USP47: variants seen among roughly 807,000 people sequenced by gnomAD.
USP47 encodes ubiquitin specific peptidase 47.
Under a neutral mutation model 165.1 loss-of-function variants are expected in USP47, and 35 were observed. That is an observed-to-expected ratio of 0.21 (90% CI 0.16 to 0.28). The LOEUF is 0.28. USP47 is among the 10% of genes least tolerant of loss of function. USP47 has a pLI of 1.00. For missense variants in USP47, 1,277 were observed against 1,607.4 expected (o/e 0.79, Z 3.52); for synonymous variants, 531 against 544.5 (o/e 0.98, Z 0.35).
chr11:11,879,187 G>A (rs889244851), intron 1 of USP47, among the ~76,000 whole-genome samples: 1 of 152,112 alleles, frequency 6.6e-6, no homozygotes, highest in Admixed American at 6.6e-5. Flanking sequence ...TTTTGTTGTA[G>A]GATATTCTTA....
At position 11,942,474 on chromosome 11, in the gene USP47, A is replaced by G. The variant is rs778079362; in HGVS notation, c.2453A>G (p.Lys818Arg). 4.3e-6 allele frequency: 7 copies of G among 1,613,604 alleles called. No individual in the cohort carries two copies. Among genetic ancestry groups the G allele is most frequent in the Non-Finnish European group, 5.9e-6 (7 of 1,179,718 alleles). The change falls in exon 20 of 28, where the codon AAA becomes AGA. Residue 818 changes from lysine (K) to arginine (R), a missense_variant. Lys to Arg is a conservative substitution (Grantham distance 26). Coordinates refer to ENST00000527733, the MANE Select transcript of USP47 (RefSeq NM_001282659.2). ...GAACAATCCCCAGTATCTTATTCCA[A>G]AAGGACAGCATACCAGAAAGCTGGA... ...LPEQSPVSYS[K>R]RTAYQKAGGD... is the part of the protein sequence containing the mutation.
intron 14 of USP47, among the ~76,000 whole-genome samples, chr11:11,931,273 TTTTTATTCACA>T (rs1433147376): frequency 6.6e-6 from 1 of 152,158 alleles, no homozygotes; most frequent in East Asian, 1.9e-4. Context: ...AAGCATTATG[TTTTTATTCACA>T]TTTTTGTAAA....
chr11:11,920,932 C>T (rs1853791179), intron 10 of USP47, among the ~76,000 whole-genome samples: 1 of 149,544 alleles, frequency 6.7e-6, no homozygotes, highest in Admixed American at 6.7e-5. Context: ...ATTTCTTGTA[C>T]TTACCTACTA....
chr11:11,923,054 A>G (rs1336869570), intron 11 of USP47, among the ~76,000 whole-genome samples, 163 bp downstream of exon 11: 1 of 31,150 alleles, frequency 3.2e-5, no homozygotes, highest in Admixed American at 5.8e-4. Flanking sequence ...ATATATATAT[A>G]TATATATATA....
intron 1 of USP47, among the ~76,000 whole-genome samples, chr11:11,847,490 G>A (rs1354249724): frequency 6.6e-6 from 1 of 151,968 alleles, no homozygotes; most frequent in Non-Finnish European, 1.5e-5. Context: ...ATTAAATATA[G>A]GTAATATCGA....
intron 1 of USP47, among the ~76,000 whole-genome samples, chr11:11,847,584 T>G (rs961886544): frequency 2.6e-5 from 4 of 152,196 alleles, no homozygotes; most frequent in African/African-American, 9.6e-5. Context: ...TTTATATGCT[T>G]AAGTTAGAAC....
chr11:11,918,125 A>G (rs1853564442), intron 8 of USP47, among the ~76,000 whole-genome samples: 1 of 152,180 alleles, frequency 6.6e-6, no homozygotes, highest in Non-Finnish European at 1.5e-5. Flanking sequence ...TAGGTACATC[A>G]TGGCCTGTGA....
At chr11:11,893,068 C>T (rs1042312678) in intron 4 of USP47, among the ~76,000 whole-genome samples, 1 of 151,758 alleles carries the variant, frequency 6.6e-6, no homozygotes, top group Non-Finnish European at 1.5e-5. Flanking sequence ...TTCTTTTTTT[C>T]TCAATACGAT....
chr11:11,914,075 TAA>T (rs757756714), intron 8 of USP47, among the ~76,000 whole-genome samples: 21 of 152,150 alleles, frequency 1.4e-4, no homozygotes, highest in Non-Finnish European at 2.9e-4. Flanking sequence ...CTAGAATAGC[TAA>T]GAGTTTTCAA....
At chr11:11,936,886 A>C (rs1855111869) in intron 17 of USP47, among the ~76,000 whole-genome samples, 1 of 151,868 alleles carries the variant, frequency 6.6e-6, no homozygotes, top group South Asian at 2.1e-4. Context: ...ACCTTGGTCC[A>C]AAAAAGTATA....
intron 1 of USP47, chr11:11,878,610 CTTTT>C (rs1850632906): frequency 6.6e-6 from 1 of 151,580 alleles, no homozygotes; most frequent in African/African-American, 2.4e-5. Context: ...TCTTTTGTTT[CTTTT>C]ATTTCACAGA....
intron 4 of USP47, among the ~76,000 whole-genome samples, chr11:11,896,735 G>A (rs191508480): frequency 4.6e-5 from 7 of 152,032 alleles, no homozygotes; most frequent in Admixed American, 4.6e-4. Flanking sequence ...GCTCTAATAC[G>A]GATTAAATAT....
chr11:11,844,946 C>T (rs1848345350), intron 1 of USP47, among the ~76,000 whole-genome samples: 1 of 151,986 alleles, frequency 6.6e-6, no homozygotes, highest in Non-Finnish European at 1.5e-5. Flanking sequence ...GGCCTGTGGT[C>T]CAGATCAGTT....
chr11:11,944,707 G>A (rs950463375), intron 20 of USP47, among the ~76,000 whole-genome samples: 5 of 152,164 alleles, frequency 3.3e-5, no homozygotes. Flanking sequence ...CCCCATAGCT[G>A]CTACCACTGT....
At chr11:11,889,481 C>T (rs1851375205) in intron 3 of USP47, among the ~76,000 whole-genome samples, 1 of 151,948 alleles carries the variant, frequency 6.6e-6, no homozygotes, top group Admixed American at 6.6e-5. Context: ...AAAGAAAATA[C>T]CCAGGAATAC....
chr11:11,849,341 C>T (rs1383878732), intron 1 of USP47, among the ~76,000 whole-genome samples: 1 of 152,136 alleles, frequency 6.6e-6, no homozygotes, highest in Admixed American at 6.5e-5. Context: ...TCAATTGGGG[C>T]CCATTTTCTC....
intron 4 of USP47, among the ~76,000 whole-genome samples, chr11:11,895,735 C>A (rs955315429): frequency 6.6e-6 from 1 of 151,268 alleles, no homozygotes; most frequent in Non-Finnish European, 1.5e-5. Flanking sequence ...ATCCATGATA[C>A]CTGTCTTTGG....
At chr11:11,889,374 A>G (rs898442913) in intron 3 of USP47, among the ~76,000 whole-genome samples, 4 of 152,180 alleles carry the variant, frequency 2.6e-5, no homozygotes, top group African/African-American at 9.7e-5. Context: ...CTCAGGATAC[A>G]AATTCAGTGT....
intron 14 of USP47, among the ~76,000 whole-genome samples, chr11:11,931,081 T>C (rs1462943696): frequency 6.6e-6 from 1 of 152,132 alleles, no homozygotes; most frequent in African/African-American, 2.4e-5. Context: ...AGTGTTTGTT[T>C]TTTCTTGCTA....
Sources: gnomAD v4.1 joint callset for allele counts (sites outside exome capture counted in the v4.1 genomes callset) on GRCh38, gnomAD v4.1.1 for gene constraint, MANE v1.5 for transcripts, NCBI Gene and HGNC (gene_info 2026-07-23, HGNC 2026-07-21) for gene names.